Variants in PTGR1 observed in about 807,000 individuals in gnomAD.
The protein encoded by PTGR1 is prostaglandin reductase 1, also known as 15-oxoprostaglandin 13-reductase.
Under a neutral mutation model 37.7 loss-of-function variants are expected in PTGR1, and 23 were observed. The observed-to-expected ratio is 0.61, with a 90% confidence interval of 0.44 to 0.86. The LOEUF is 0.86. Among genes scored for constraint, PTGR1 ranks in the 40% least tolerant of loss-of-function variants. PTGR1 has a pLI of 0.00. For missense variants in PTGR1, 351 were observed against 394.3 expected (o/e 0.89, Z 0.93); for synonymous variants, 134 against 140.0 (o/e 0.96, Z 0.30).
At chr9:111,558,013 G>A (rs1490898717), downstream of PTGR1, among the ~76,000 whole-genome samples, 1 of 152,138 alleles carries the variant, frequency 6.6e-6, no homozygotes. Flanking sequence ...CAGGCATGGT[G>A]GTGCGCGCCT....
intron 9 of PTGR1, among the ~76,000 whole-genome samples, chr9:111,567,494 T>C (rs1375287180): frequency 6.6e-6 from 1 of 152,154 alleles, no homozygotes; most frequent in Non-Finnish European, 1.5e-5. Flanking sequence ...CAGACGGCAC[T>C]TTTTAGCAAA....
At chr9:111,579,292 C>T (rs1302598939) in intron 6 of PTGR1, among the ~76,000 whole-genome samples, 1 of 152,078 alleles carries the variant, frequency 6.6e-6, no homozygotes, top group Non-Finnish European at 1.5e-5. Context: ...TATGCCATCT[C>T]TTGGTACAGT....
At chr9:111,581,388 C>T (rs556308768) in intron 6 of PTGR1, among the ~76,000 whole-genome samples, 21 of 152,286 alleles carry the variant, frequency 1.4e-4, no homozygotes, top group Admixed American at 7.2e-4. Flanking sequence ...AAACGTTGGT[C>T]TTCAGATTAT....
chr9:111,597,374 G>C lies in PTGR1; in HGVS notation c.49C>G (p.Pro17Ala), dbSNP rs748272768. The C allele has an allele frequency of 6.8e-6, 11 of 1,613,490 alleles. No individual in the cohort carries two copies. The highest frequency in any genetic ancestry group is 7.6e-6 in the Non-Finnish European group (9 of 1,179,828). Residue 17 changes from proline (P) to alanine (A), a missense_variant, in exon 2 of 10, where the codon CCT becomes GCT. Pro to Ala is a conservative substitution (Grantham distance 27). Coordinates refer to ENST00000407693, the MANE Select transcript of PTGR1 (RefSeq NM_001146108.2). ...TTCAACTCAAAGTCACTATTAGTAG[G>C]ATAGCCAACAAAGTGCTTCTTCAGG... ...WTLKKHFVGY[P>A]TNSDFELKTA...
chr9:111,597,986 TC>T lies in PTGR1; in HGVS notation c.-10-555del, dbSNP rs1829833610. Among the ~76,000 whole-genome samples the T allele has an allele frequency of 1.4e-5, 2 of 143,900 alleles. 1 individual carries two copies. Among genetic ancestry groups the T allele is most frequent in the Non-Finnish European group, 3.0e-5 (2 of 66,092 alleles). The allele number at this position is 143,900 out of a possible 152,430, so 94.4% of individuals were successfully genotyped here. A position where few individuals can be genotyped will look rare whatever the true frequency, so the allele number is the denominator to read the frequency against. ...AGGGCGCCGCTGCTCCGCCCCATTT[TC>T]AGGTGCGTTTTTTTTTTTTTTAAAT... On this transcript the variant is annotated intron_variant, in intron 1 of 9. Coordinates refer to ENST00000407693, the MANE Select transcript of PTGR1 (RefSeq NM_001146108.2).
At chr9:111,571,074 G>T (rs1046773643) in intron 8 of PTGR1, among the ~76,000 whole-genome samples, 2 of 150,556 alleles carry the variant, frequency 1.3e-5, no homozygotes, top group Non-Finnish European at 3.0e-5. Context: ...CAGAAGGAAT[G>T]CAGCCCTGCC....
chr9:111,559,226 C>T (rs992334022), downstream of PTGR1, among the ~76,000 whole-genome samples: 2 of 152,148 alleles, frequency 1.3e-5, no homozygotes, highest in Non-Finnish European at 2.9e-5. Context: ...CTAGGGATCA[C>T]ATACTTCACA....
intron 9 of PTGR1, among the ~76,000 whole-genome samples, chr9:111,556,562 A>G (rs148556005): frequency 6.6e-6 from 1 of 151,968 alleles, no homozygotes; most frequent in African/African-American, 2.4e-5. Context: ...CCAAACCTCA[A>G]CTCTTGTCTT....
At chr9:111,584,704 A>C (rs1277762892) in intron 5 of PTGR1, among the ~76,000 whole-genome samples, 1 of 152,206 alleles carries the variant, frequency 6.6e-6, no homozygotes, top group South Asian at 2.1e-4. Flanking sequence ...TGAGCAGGAG[A>C]CCAGCTTAAG....
intron 9 of PTGR1, among the ~76,000 whole-genome samples, chr9:111,553,315 G>C: frequency 6.6e-6 from 1 of 152,220 alleles, no homozygotes; most frequent in South Asian, 2.1e-4. Context: ...ACCAGCTTCT[G>C]TATCTGCACT....
downstream of PTGR1, among the ~76,000 whole-genome samples, chr9:111,560,636 CAAAAAAA>C (rs1015199330): frequency 1.5e-4 from 4 of 26,294 alleles, no homozygotes; most frequent in African/African-American, 5.1e-4. Context: ...GACACCATCT[CAAAAAAA>C]AAAAAAAAAA....
At chr9:111,556,808 T>C (rs1234915925) in intron 9 of PTGR1, among the ~76,000 whole-genome samples, 7 of 152,334 alleles carry the variant, frequency 4.6e-5, no homozygotes, top group African/African-American at 1.7e-4. Context: ...TTTGCCCTTC[T>C]GCCATGATTG....
At chr9:111,571,194 T>C (rs1185219197) in intron 8 of PTGR1, among the ~76,000 whole-genome samples, 1 of 149,590 alleles carries the variant, frequency 6.7e-6, no homozygotes, top group Non-Finnish European at 1.5e-5. Context: ...GGCAGATCAC[T>C]TGAAGTCAGG....
At chr9:111,565,627 G>A (rs1225164567) in intron 9 of PTGR1, among the ~76,000 whole-genome samples, 1 of 152,092 alleles carries the variant, frequency 6.6e-6, no homozygotes, top group East Asian at 1.9e-4. Flanking sequence ...GGACTCAGGT[G>A]ATCCTCCCAC....
chr9:111,587,486 C>T (rs1312703623), intron 4 of PTGR1, among the ~76,000 whole-genome samples: 1 of 152,104 alleles, frequency 6.6e-6, no homozygotes, highest in African/African-American at 2.4e-5. Flanking sequence ...CAGAGTCTCG[C>T]TCTGTTGCCT....
rs1827886097 is a variant in PTGR1 at position 111,549,776 on chromosome 9, ATCTTCTTCATTTTCTC to A, written c.887_902del (p.Arg296IlefsTer?). ...TTCATTTTTCTGCTTTGAAGCTTCA[ATCTTCTTCATTTTCTC>A]TTTTGATCTGTCAACACAATCAGAA... On this transcript the variant is annotated frameshift_variant, in exon 10 of 10. Transcript: ENST00000538962. LOFTEE classifies it high-confidence loss of function. The A allele has an allele frequency of 6.5e-7, 1 of 1,548,158 alleles. No individual in the cohort carries two copies. The highest frequency in any genetic ancestry group is 2.0e-5 in the Admixed American group (1 of 50,900).
At position 111,586,046 on chromosome 9, in the gene PTGR1, G is replaced by C; in HGVS notation, c.329C>G (p.Pro110Arg). 6.2e-7 allele frequency: 1 copy of C among 1,614,178 alleles called. No individual in the cohort carries two copies. Reference protein sequence around the residue: ...KDLEKLLTEWPDTIPLSLALG... With the variant: ...KDLEKLLTEWRDTIPLSLALG... ...AGCCAAAGACAGTGGTATTGTGTCTGGCCACTCTGTCAGCAGCTTTTCCAG... is the reference window on the plus strand; with the variant it reads ...AGCCAAAGACAGTGGTATTGTGTCTCGCCACTCTGTCAGCAGCTTTTCCAG... The change falls in exon 5 of 10, where the codon CCA becomes CGA. Residue 110 changes from proline to arginine, a missense_variant. Pro to Arg is a moderately radical substitution (Grantham distance 103). Transcript: ENST00000407693.
At chr9:111,592,733 A>T in intron 4 of PTGR1, 193 bp downstream of exon 4, 1 of 667,458 alleles carries the variant, frequency 1.5e-6, no homozygotes, top group Non-Finnish European at 2.3e-6. Flanking sequence ...TGAAAAAATG[A>T]CAATTTCACA....
chr9:111,569,330 A>G (rs1028049213), intron 9 of PTGR1, among the ~76,000 whole-genome samples: 1 of 152,180 alleles, frequency 6.6e-6, no homozygotes, highest in Admixed American at 6.6e-5. Flanking sequence ...TCTGAGGAGG[A>G]CCAATCAGTG....
Sources: allele counts gnomAD v4.1 joint callset (sites outside exome capture counted in the v4.1 genomes callset), GRCh38; gene constraint gnomAD v4.1.1; transcripts MANE v1.5; gene names NCBI Gene and HGNC (gene_info 2026-07-23, HGNC 2026-07-21).